VWA3A: variants seen among roughly 807,000 people sequenced by gnomAD.
The protein encoded by VWA3A is von Willebrand factor A domain-containing protein 3A.
In VWA3A, 134 loss-of-function variants were observed where a neutral mutation model predicts 160.4. The observed-to-expected ratio is 0.84, with a 90% CI of 0.73 to 0.96. The LOEUF is 0.96. VWA3A is among the 40% of genes least tolerant of loss of function. The probability of loss-of-function intolerance (pLI) is 0.00; values close to 1 mark genes in which losing one functional copy is unlikely to be tolerated. For synonymous variants in VWA3A, 476 were observed against 543.4 expected (o/e 0.88, Z 1.72); for missense variants, 1,310 against 1,447.9 (o/e 0.90, Z 1.55).
intron 21 of VWA3A, among the ~76,000 whole-genome samples, chr16:22,136,935 G>A (rs1228768263): frequency 6.6e-6 from 1 of 151,942 alleles, no homozygotes; most frequent in African/African-American, 2.4e-5. Context: ...TTAGCTGGGT[G>A]TGGTGGTGCG....
intron 14 of VWA3A, 46 bp downstream of exon 14, chr16:22,121,663 C>T (rs747891259): frequency 6.9e-7 from 1 of 1,450,696 alleles, no homozygotes; most frequent in South Asian, 1.2e-5. Flanking sequence ...AGGAGAGCTC[C>T]CTTGTGGCTT....
chr16:22,155,847 C>G lies in VWA3A; in HGVS notation c.3504-4C>G. The stretch of plus-strand genomic sequence containing the variant: ...ACCATCTTTCTTCATCTCCTGCCCA[C>G]CAGATCCCAACTCCAGAAGAAAAAT... On this transcript the variant is annotated splice_region_variant and splice_polypyrimidine_tract_variant and intron_variant, in intron 32 of 33. Coordinates refer to ENST00000389398, the MANE Select transcript of VWA3A (RefSeq NM_173615.5). 1 of 1,613,912 alleles carries G rather than the reference C, an allele frequency of 6.2e-7. No individual in the cohort carries two copies. The highest frequency in any genetic ancestry group is 8.5e-7 in the Non-Finnish European group (1 of 1,179,888).
intron 6 of VWA3A, 56 bp from the exon 7 acceptor site, chr16:22,109,426 T>C: frequency 7.1e-7 from 1 of 1,415,214 alleles, no homozygotes; most frequent in South Asian, 1.2e-5. Flanking sequence ...AGCAGCTCAG[T>C]GTAGGAGACA....
At chr16:22,132,773 C>T in intron 19 of VWA3A, 127 bp from the exon 20 acceptor site, 1 of 871,614 alleles carries the variant, frequency 1.1e-6, no homozygotes, top group South Asian at 1.8e-5. Context: ...TCTTTCCATC[C>T]TTGTGCCAAG....
At chr16:22,105,175 A>G (rs1292572285) in intron 6 of VWA3A, among the ~76,000 whole-genome samples, 1 of 151,582 alleles carries the variant, frequency 6.6e-6, no homozygotes, top group African/African-American at 2.4e-5. Flanking sequence ...ATCCTCCCAT[A>G]CTCCATAGGC....
At chr16:22,136,092 A>G (rs1208623888) in intron 21 of VWA3A, among the ~76,000 whole-genome samples, 1 of 152,144 alleles carries the variant, frequency 6.6e-6, no homozygotes, top group East Asian at 1.9e-4. Context: ...CACCTAGCCT[A>G]TTAGTTAGTT....
rs571465612 is a variant in VWA3A, at chr16:22,133,024, C to G, written c.1997C>G (p.Thr666Ser). 1.2e-5 allele frequency: 20 copies of G among 1,613,980 alleles called. No homozygotes were observed. In the South Asian group the frequency reaches 2.1e-4, roughly 17 times the overall value. Residue 666 changes from threonine to serine, a missense_variant, in exon 20 of 34, where the codon ACT (threonine) becomes AGT (serine). Physicochemically the swap from Thr to Ser is moderately conservative, Grantham distance 58. Coordinates refer to ENST00000389398, the MANE Select transcript of VWA3A (RefSeq NM_173615.5). ...CCCCCTGCCCGCTATGCCAGTCACACTGACACAGCCGCCGCCTACAAGGAG... is the reference window on the plus strand; with the variant it reads ...CCCCCTGCCCGCTATGCCAGTCACAGTGACACAGCCGCCGCCTACAAGGAG... ...TTPPARYASHTDTAAAYKEVT... is the reference protein window; with the variant it reads ...TTPPARYASHSDTAAAYKEVT...
chr16:22,093,811 C>T (rs1394994125), intron 1 of VWA3A, among the ~76,000 whole-genome samples: 1 of 152,180 alleles, frequency 6.6e-6, no homozygotes, highest in African/African-American at 2.4e-5. Context: ...AACACCCAGG[C>T]TGGAGTGCAG....
intron 28 of VWA3A, 37 bp from the exon 29 acceptor site, chr16:22,149,750 T>A (rs1462747979): frequency 1.3e-6 from 2 of 1,563,448 alleles, no homozygotes; most frequent in Admixed American, 3.6e-5. Flanking sequence ...CTTTCTCCCC[T>A]TCTCTGCCCC....
chr16:22,128,484 A>C (rs2045891327), intron 17 of VWA3A, among the ~76,000 whole-genome samples: 1 of 152,202 alleles, frequency 6.6e-6, no homozygotes, highest in Non-Finnish European at 1.5e-5. Context: ...ACTTGGTGGG[A>C]GTGTAAATTA....
chr16:22,097,524 C>A, intron 2 of VWA3A, 48 bp from the exon 3 acceptor site: 1 of 1,546,350 alleles, frequency 6.5e-7, no homozygotes, highest in Non-Finnish European at 8.7e-7. Context: ...GGGTATCAAA[C>A]CTATGCCCAG....
chr16:22,154,883 A>G (rs936206672), intron 31 of VWA3A, among the ~76,000 whole-genome samples: 3 of 140,788 alleles, frequency 2.1e-5, no homozygotes, highest in Non-Finnish European at 3.1e-5. Flanking sequence ...GAACCCGGGA[A>G]GCGGAGCTTG....
Position 22,131,256 on chromosome 16 carries a change from C to A in VWA3A, c.1704C>A (p.His568Gln). The change falls in exon 18 of 34, where the codon CAC becomes CAA. Residue 568 changes from histidine (H) to glutamine (Q), a missense_variant. His to Gln is a conservative substitution (Grantham distance 24). Transcript: ENST00000389398. ...GGCCTGAGATGGTTCCCGTGAGTCA[C>A]AACAATTTACAAAGTGCCTGGCGGT... The part of the protein sequence containing the change: ...SWRPEMVPVS[H>Q]NNLQSAWRWA... The A allele has an allele frequency of 1.2e-6, 2 of 1,613,974 alleles. No homozygotes were observed. The highest frequency in any genetic ancestry group is 1.7e-6 in the Non-Finnish European group (2 of 1,179,902).
chr16:22,105,969 A>G lies in VWA3A; in HGVS notation c.483+2440A>G, dbSNP rs572766766. 2.6e-5 allele frequency among the ~76,000 whole-genome samples: 4 copies of G among 152,212 alleles called. No homozygotes were observed. In the South Asian group the frequency reaches 8.3e-4, roughly 32 times the overall value. ...AACATGACCAGTACTTGCTGAAGGA[A>G]TGGTTCGCTGTCGGGGGAAAAAACA... On this transcript the variant is annotated intron_variant, in intron 6 of 33. Transcript: ENST00000389398.
chr16:22,118,865 G>A, intron 11 of VWA3A, 37 bp from the exon 12 acceptor site: 1 of 1,612,508 alleles, frequency 6.2e-7, no homozygotes, highest in Non-Finnish European at 8.5e-7. Context: ...AGGTAGTCAA[G>A]TGATTCCGGA....
chr16:22,133,171 C>T (rs2045979951), intron 20 of VWA3A, 76 bp downstream of exon 20: 4 of 1,440,278 alleles, frequency 2.8e-6, no homozygotes, highest in Non-Finnish European at 3.8e-6. Context: ...CCTTAGACCA[C>T]AGATGTATTC....
intron 8 of VWA3A, among the ~76,000 whole-genome samples, chr16:22,113,363 CTTTTT>C (rs569069206): frequency 1.9e-3 from 87 of 46,230 alleles, no homozygotes; most frequent in African/African-American, 3.9e-3. Flanking sequence ...GGCTAATTTT[CTTTTT>C]TTTTTTTTTT....
At chr16:22,126,666 C>A (rs2045855247) in intron 17 of VWA3A, among the ~76,000 whole-genome samples, 1 of 152,092 alleles carries the variant, frequency 6.6e-6, no homozygotes, top group Non-Finnish European at 1.5e-5. Context: ...GCAAGCCATA[C>A]CTTTTCAAAC....
chr16:22,137,199 G>A (rs1017917508), intron 21 of VWA3A, among the ~76,000 whole-genome samples: 12 of 152,264 alleles, frequency 7.9e-5, no homozygotes, highest in Middle Eastern at 3.4e-3. Flanking sequence ...GGCAATGACC[G>A]CATAATTCAC....
Sources: allele counts gnomAD v4.1 joint callset (sites outside exome capture counted in the v4.1 genomes callset), GRCh38; gene constraint gnomAD v4.1.1; transcripts MANE v1.5; gene names NCBI Gene and HGNC (gene_info 2026-07-23, HGNC 2026-07-21).